Variants in PKNOX2 observed in about 807,000 individuals in gnomAD.
PKNOX2 encodes PBX/knotted 1 homeobox 2.
PKNOX2 carries 14 observed loss-of-function variants against 53.1 expected under a neutral mutation model. That is an observed-to-expected ratio of 0.26 (90% confidence interval 0.17 to 0.41). The LOEUF is 0.41. Ranked by LOEUF, PKNOX2 falls within the 10% of genes least tolerant of loss-of-function variation. The probability of loss-of-function intolerance (pLI) is 1.00; values close to 1 mark genes in which losing one functional copy is unlikely to be tolerated. For missense variants in PKNOX2, 496 were observed against 602.8 expected, an observed-to-expected ratio of 0.82 and a Z score of 1.85; for synonymous variants, 257 against 242.8, an observed-to-expected ratio of 1.06 and a Z score of -0.54.
intron 1 of PKNOX2, among the ~76,000 whole-genome samples, chr11:125,218,243 C>G (rs563683404): frequency 6.6e-6 from 1 of 152,192 alleles, no homozygotes; most frequent in East Asian, 1.9e-4. Context: ...CACGCTGGCC[C>G]CCGAGCTAAG....
At chr11:125,223,605 G>C (rs980876695) in intron 1 of PKNOX2, among the ~76,000 whole-genome samples, 1 of 152,170 alleles carries the variant, frequency 6.6e-6, no homozygotes, top group South Asian at 2.1e-4. Flanking sequence ...TGTAAAACCA[G>C]AGTAACGAAG....
intron 2 of PKNOX2, among the ~76,000 whole-genome samples, chr11:125,311,136 T>A (rs145263177): frequency 0.013 from 1,946 of 152,304 alleles, 31 homozygotes; most frequent in African/African-American, 0.034. Flanking sequence ...CTTTTTACTC[T>A]TCCATGCCTT....
chr11:125,165,812 C>A lies in PKNOX2; in HGVS notation c.-201+1036C>A, dbSNP rs1399396694. On this transcript the variant is annotated intron_variant, in intron 1 of 12. Coordinates refer to ENST00000298282, the MANE Select transcript of PKNOX2 (RefSeq NM_001382323.2). The surrounding 1 kb of genome is among the most constrained non-coding windows in gnomAD (Gnocchi z 4.5). ...AGTTCGTAAAAGAGGGAACTGAAAGCGATCGAGAGCGGAGAGCTGAGGGGG... is the reference window on the plus strand; with the variant it reads ...AGTTCGTAAAAGAGGGAACTGAAAGAGATCGAGAGCGGAGAGCTGAGGGGG... 6.6e-6 allele frequency among the ~76,000 whole-genome samples: 1 copy of A among 152,144 alleles called. No homozygotes were observed. The highest frequency in any genetic ancestry group is 2.4e-5 in the African/African-American group (1 of 41,418).
At chr11:125,375,955 G>A (rs182679136) in intron 5 of PKNOX2, among the ~76,000 whole-genome samples, 78 of 152,298 alleles carry the variant, frequency 5.1e-4, no homozygotes, top group African/African-American at 1.8e-3. Flanking sequence ...GAGTCACCTC[G>A]CCTTGTTCTG....
chr11:125,344,545 G>A lies in PKNOX2; in HGVS notation c.-22-6739G>A, dbSNP rs191560800. 8.5e-5 allele frequency among the ~76,000 whole-genome samples: 13 copies of A among 152,356 alleles called. No homozygotes were observed. In the East Asian group the frequency reaches 2.5e-3, roughly 29 times the overall value. ...GCAGGCAGTCCTAGCCAAAGCTCAT[G>A]CTGGCTTCTGCTCTGTCCCCACTCT... On this transcript the variant is annotated intron_variant, in intron 3 of 12. Transcript: ENST00000298282.
chr11:125,347,072 G>T (rs1951020662), intron 3 of PKNOX2, among the ~76,000 whole-genome samples: 1 of 152,216 alleles, frequency 6.6e-6, no homozygotes, highest in Non-Finnish European at 1.5e-5. Context: ...TGGGCGGAAT[G>T]GCGTGAAGGA....
chr11:125,200,888 G>T (rs1938354759), intron 1 of PKNOX2, among the ~76,000 whole-genome samples: 1 of 152,188 alleles, frequency 6.6e-6, no homozygotes, highest in Admixed American at 6.5e-5. Flanking sequence ...TTTCCAAAGG[G>T]ACTCCCCCTC....
At chr11:125,298,369 C>T (rs1040540805) in intron 2 of PKNOX2, among the ~76,000 whole-genome samples, 10 of 152,166 alleles carry the variant, frequency 6.6e-5, no homozygotes, top group African/African-American at 2.2e-4. Context: ...ACCCTGGAAG[C>T]GGCGCGTTTG....
At position 125,410,786 on chromosome 11, in the gene PKNOX2, C is replaced by G. The variant is rs749204266; in HGVS notation, c.726C>G (p.Ala242=). 4 of 1,613,852 alleles carry G rather than the reference C, an allele frequency of 2.5e-6. No individual in the cohort carries two copies. The highest frequency in any genetic ancestry group is 3.4e-6 in the Non-Finnish European group (4 of 1,179,920). ...AACTGGTTGTCTCCTCAGGTGGAGCCTTATACCAACCGGTTACCATGGTAA... is the reference window on the plus strand; with the variant it reads ...AACTGGTTGTCTCCTCAGGTGGAGCGTTATACCAACCGGTTACCATGGTAA... The part of the protein sequence containing the change: ...TVNSQVVSGG[A]LYQPVTMVTS... Residue 242 remains alanine (A), a synonymous_variant, in exon 9 of 13, where the codon GCC becomes GCG. Coordinates refer to ENST00000298282, the MANE Select transcript of PKNOX2 (RefSeq NM_001382323.2).
In PKNOX2 at chr11:125,432,885, T is replaced by G. The variant is rs1565525866; in HGVS notation, c.*1493T>G. On this transcript the variant is annotated 3_prime_UTR_variant, in exon 13 of 13. Coordinates refer to ENST00000298282, the MANE Select transcript of PKNOX2 (RefSeq NM_001382323.2). ...ACCTGGCTCAACTGGAGGGGACCCCTTGGGCCCTCTGGGGCTTCCCCTCCC... is the reference window on the plus strand; with the variant it reads ...ACCTGGCTCAACTGGAGGGGACCCCGTGGGCCCTCTGGGGCTTCCCCTCCC... The G allele has an allele frequency of 6.6e-6, 1 of 152,648 alleles. No individual in the cohort carries two copies. Among genetic ancestry groups the G allele is most frequent in the Non-Finnish European group, 1.5e-5 (1 of 68,044 alleles). The allele number at this position is 152,648 out of a possible 1,614,324, so 9.5% of individuals were successfully genotyped here.
At chr11:125,386,119 C>T (rs1953612740) in intron 6 of PKNOX2, among the ~76,000 whole-genome samples, 1 of 152,154 alleles carries the variant, frequency 6.6e-6, no homozygotes, top group Non-Finnish European at 1.5e-5. Context: ...TGATGTGCCA[C>T]TGTATGGAGG....
chr11:125,194,234 G>C (rs764757308), intron 1 of PKNOX2, among the ~76,000 whole-genome samples: 4 of 152,174 alleles, frequency 2.6e-5, no homozygotes, highest in Non-Finnish European at 5.9e-5. Context: ...CTCTGGGCTG[G>C]AGAGAGCAGT....
At chr11:125,306,166 G>A (rs1048690243) in intron 2 of PKNOX2, among the ~76,000 whole-genome samples, 13 of 136,402 alleles carry the variant, frequency 9.5e-5, no homozygotes, top group Middle Eastern at 3.6e-3. Context: ...CTCCCTCCCC[G>A]CCACTGGCAC....
In PKNOX2 at chr11:125,166,407, A is replaced by G. The variant is rs1178052068; in HGVS notation, c.-201+1631A>G. Among the ~76,000 whole-genome samples the G allele has an allele frequency of 6.6e-6, 1 of 152,218 alleles. No individual in the cohort carries two copies. Among genetic ancestry groups the G allele is most frequent in the Non-Finnish European group, 1.5e-5 (1 of 68,034 alleles). ...TTTAGGAGGAGAGGACTTGGGCCAC[A>G]CAGGACCCGGTCCTAAGAGAGCGAT... On this transcript the variant is annotated intron_variant, in intron 1 of 12. Coordinates refer to ENST00000298282, the MANE Select transcript of PKNOX2 (RefSeq NM_001382323.2). The surrounding 1 kb of genome is among the most constrained non-coding windows in gnomAD (Gnocchi z 4.0).
chr11:125,327,025 G>A (rs933108618), intron 2 of PKNOX2, among the ~76,000 whole-genome samples: 4 of 152,212 alleles, frequency 2.6e-5, no homozygotes, highest in African/African-American at 9.6e-5. Flanking sequence ...TCCAGAGTGA[G>A]AACAGATGCT....
chr11:125,339,598 A>T (rs1037530091), intron 3 of PKNOX2, among the ~76,000 whole-genome samples: 3 of 152,126 alleles, frequency 2.0e-5, no homozygotes, highest in African/African-American at 7.2e-5. Flanking sequence ...GGCTGACTGC[A>T]TGCCCCCTTC....
At chr11:125,263,546 G>A (rs1945054390) in intron 2 of PKNOX2, among the ~76,000 whole-genome samples, 2 of 152,228 alleles carry the variant, frequency 1.3e-5, no homozygotes, top group Non-Finnish European at 1.5e-5. Context: ...CAGCCAACGG[G>A]CCACTTTCTC....
intron 2 of PKNOX2, among the ~76,000 whole-genome samples, chr11:125,252,181 C>G (rs1944054874): frequency 6.6e-6 from 1 of 152,146 alleles, no homozygotes; most frequent in Non-Finnish European, 1.5e-5. Context: ...TGGAAGTACT[C>G]CAGGCAGAGG....
At chr11:125,256,993 CT>C (rs1347088868) in intron 2 of PKNOX2, among the ~76,000 whole-genome samples, 4 of 149,240 alleles carry the variant, frequency 2.7e-5, no homozygotes, top group Non-Finnish European at 5.9e-5. Context: ...TCCATAGGGG[CT>C]AATCTGTGTA....
Sources: gnomAD v4.1 joint callset for allele counts (sites outside exome capture counted in the v4.1 genomes callset) on GRCh38, gnomAD v4.1.1 for gene constraint, Gnocchi (gnomAD v3.1) non-coding constraint, MANE v1.5 for transcripts, NCBI Gene and HGNC (gene_info 2026-07-23, HGNC 2026-07-21) for gene names.